MPDZ: variants seen among roughly 807,000 people sequenced by gnomAD.
MPDZ encodes the protein multiple PDZ domain crumbs cell polarity complex component.
In MPDZ, 234 loss-of-function variants were observed where a neutral mutation model predicts 239.1. The observed-to-expected ratio is 0.98, with a 90% CI of 0.88 to 1.09. MPDZ has a LOEUF of 1.09. MPDZ is among the 50% of genes least tolerant of loss of function. The pLI is 0.00. For missense variants in MPDZ, 3,175 were observed against 2,510.0 expected, an observed-to-expected ratio of 1.26 and a Z score of -5.66; for synonymous variants, 1,048 against 881.3, an observed-to-expected ratio of 1.19 and a Z score of -3.35.
At chr9:13,245,020 A>G (rs1966274253) in intron 3 of MPDZ, among the ~76,000 whole-genome samples, 1 of 152,158 alleles carries the variant, frequency 6.6e-6, no homozygotes, top group East Asian at 1.9e-4. Context: ...AAAATTATAC[A>G]TTTGAAAACA....
chr9:13,219,065 A>G (rs1047349928), intron 8 of MPDZ, among the ~76,000 whole-genome samples: 6 of 151,930 alleles, frequency 3.9e-5, no homozygotes, highest in Admixed American at 6.6e-5. Context: ...CTTTAAAACA[A>G]TAACACTAAA....
chr9:13,128,076 C>G (rs184777744), intron 32 of MPDZ, among the ~76,000 whole-genome samples: 82 of 152,214 alleles, frequency 5.4e-4, no homozygotes, highest in African/African-American at 1.9e-3. Context: ...CCCACCCACT[C>G]CTCTCTCTCC....
In MPDZ at chr9:13,122,149, C is replaced by T. The variant is rs771969889; in HGVS notation, c.4975G>A (p.Val1659Ile). 11 of 1,614,002 alleles carry T rather than the reference C, an allele frequency of 6.8e-6. No homozygotes were observed. The highest frequency in any genetic ancestry group is 9.3e-6 in the Non-Finnish European group (11 of 1,179,928). Residue 1659 changes from valine to isoleucine, a missense_variant, in exon 37 of 47, where the codon GTT (valine) becomes ATT (isoleucine). By Grantham distance (29) the Val-to-Ile change is conservative (BLOSUM62 3). Transcript: ENST00000319217. ...TLLGAIIIHE[V>I]YEEGAACKDG... ...TTACATGCTGCTCCTTCTTCATAAA[C>T]TTCATGGATAATAATGGCACCCTAA... is the stretch of plus-strand genomic sequence containing the variant.
intron 3 of MPDZ, among the ~76,000 whole-genome samples, chr9:13,227,411 A>G (rs1050013404): frequency 6.6e-6 from 1 of 152,108 alleles, no homozygotes; most frequent in African/African-American, 2.4e-5. Context: ...CAACTTCAAT[A>G]AAGTTTGCCA....
chr9:13,126,366 T>C (rs1945114366), intron 34 of MPDZ, 150 bp downstream of exon 34: 8 of 502,972 alleles, frequency 1.6e-5, no homozygotes, highest in South Asian at 5.2e-5. Flanking sequence ...GAAATAGAAA[T>C]TGAAGAACTT....
chr9:13,213,874 A>G (rs1237607540), intron 10 of MPDZ, among the ~76,000 whole-genome samples: 1 of 152,064 alleles, frequency 6.6e-6, no homozygotes, highest in Non-Finnish European at 1.5e-5. Context: ...TCAATAAATA[A>G]TATCTGCTTA....
intron 14 of MPDZ, among the ~76,000 whole-genome samples, chr9:13,192,824 G>T (rs1182139953): frequency 1.3e-5 from 2 of 152,014 alleles, no homozygotes; most frequent in African/African-American, 4.8e-5. Context: ...GGGACAGGAA[G>T]GAGACCCTTT....
rs1184800024 is a variant in MPDZ, at chr9:13,183,479, T to A, written c.2588A>T (p.His863Leu). ...YSTQASILSL[H>L]GSSCGDGLNY... ...CAGGCCATCACCACAAGAACTGCCA[T>A]GAAGAGATAAAATAGAGGCTTGAGT... Residue 863 changes from histidine (H) to leucine (L), a missense_variant, in exon 19 of 47, where the codon CAT (histidine) becomes CTT (leucine). Physicochemically the swap from His to Leu is moderately conservative, Grantham distance 99. Transcript: ENST00000319217. The A allele has an allele frequency of 6.2e-6, 10 of 1,612,344 alleles. No individual in the cohort carries two copies. Among genetic ancestry groups the A allele is most frequent in the Middle Eastern group, 1.7e-4 (1 of 6,054 alleles).
intron 12 of MPDZ, among the ~76,000 whole-genome samples, chr9:13,204,698 G>A (rs1956797062): frequency 6.6e-6 from 1 of 151,942 alleles, no homozygotes; most frequent in Admixed American, 6.6e-5. Flanking sequence ...AGTTTATGTT[G>A]GCTGTATAGA....
chr9:13,163,305 T>G (rs1950678843), intron 22 of MPDZ, among the ~76,000 whole-genome samples: 1 of 152,170 alleles, frequency 6.6e-6, no homozygotes, highest in Non-Finnish European at 1.5e-5. Flanking sequence ...TTATGTTAGC[T>G]CTATTAAGTT....
chr9:13,192,037 T>C (rs1954997303), intron 15 of MPDZ, 94 bp downstream of exon 15: 1 of 1,175,252 alleles, frequency 8.5e-7, no homozygotes, highest in Non-Finnish European at 1.1e-6. Flanking sequence ...TGTGAGTAAA[T>C]CAAATACCAA....
intron 45 of MPDZ, among the ~76,000 whole-genome samples, chr9:13,109,638 G>C (rs1942081134): frequency 6.6e-6 from 1 of 152,122 alleles, no homozygotes; most frequent in African/African-American, 2.4e-5. Context: ...GATTTGACTT[G>C]CTCCATATTA....
intron 1 of MPDZ, among the ~76,000 whole-genome samples, chr9:13,273,726 T>C (rs1401872760): frequency 6.6e-6 from 1 of 152,208 alleles, no homozygotes; most frequent in Non-Finnish European, 1.5e-5. Context: ...ATATATTTTA[T>C]TTAACCCACT....
intron 12 of MPDZ, among the ~76,000 whole-genome samples, chr9:13,202,993 A>G (rs1188278800): frequency 6.6e-6 from 1 of 152,140 alleles, no homozygotes; most frequent in Non-Finnish European, 1.5e-5. Flanking sequence ...GCATATTTTC[A>G]AATAGCCAGA....
intron 13 of MPDZ, among the ~76,000 whole-genome samples, chr9:13,194,308 TA>T (rs994235374): frequency 6.6e-6 from 1 of 151,546 alleles, no homozygotes; most frequent in African/African-American, 2.4e-5. Flanking sequence ...AAAGGGCAGT[TA>T]AAAGTTCAGT....
chr9:13,240,857 TA>T (rs1290888091), intron 3 of MPDZ, among the ~76,000 whole-genome samples: 5 of 151,836 alleles, frequency 3.3e-5, no homozygotes, highest in South Asian at 2.1e-4. Flanking sequence ...ATTTGGAGGT[TA>T]AAAAAAACTC....
intron 10 of MPDZ, among the ~76,000 whole-genome samples, chr9:13,210,190 T>C (rs559307363): frequency 6.6e-6 from 1 of 152,184 alleles, no homozygotes; most frequent in African/African-American, 2.4e-5. Flanking sequence ...AGGTTATCTG[T>C]ACAATTGTGG....
intron 13 of MPDZ, 34 bp from the exon 14 acceptor site, chr9:13,193,347 T>G (rs1486230813): frequency 1.9e-6 from 3 of 1,563,684 alleles, no homozygotes; most frequent in East Asian, 4.5e-5. Context: ...ACCACAATTT[T>G]TATATTCTTT....
At chr9:13,250,156 T>C (rs1210411574) in intron 2 of MPDZ, 144 bp downstream of exon 2, 3 of 647,400 alleles carry the variant, frequency 4.6e-6, no homozygotes, top group Non-Finnish European at 7.8e-6. Context: ...ACATATTACC[T>C]TAATACAATG....
Sources: allele counts gnomAD v4.1 joint callset (sites outside exome capture counted in the v4.1 genomes callset), GRCh38; gene constraint gnomAD v4.1.1; transcripts MANE v1.5; gene names NCBI Gene and HGNC (gene_info 2026-07-23, HGNC 2026-07-21).